Variants in ADAMTS10 observed in about 807,000 individuals in gnomAD.
ADAMTS10 encodes the protein A disintegrin and metalloproteinase with thrombospondin motifs 10.
ADAMTS10 carries 48 observed loss-of-function variants against 135.9 expected under a neutral mutation model. The observed-to-expected ratio is 0.35, with a 90% CI of 0.28 to 0.45. ADAMTS10 has a LOEUF of 0.45. Ranked by LOEUF, ADAMTS10 falls within the 20% of genes least tolerant of loss-of-function variation. The pLI, the probability that ADAMTS10 is intolerant of heterozygous loss-of-function variation, is 1.00. For missense variants in ADAMTS10, 1,131 were observed against 1,565.2 expected, an observed-to-expected ratio of 0.72 and a Z score of 4.68; for synonymous variants, 621 against 647.5, an observed-to-expected ratio of 0.96 and a Z score of 0.62.
Position 8,580,417 on chromosome 19 carries a change from G to T in ADAMTS10, c.*476C>A, listed in dbSNP as rs1468965126. ...CTCCCCCTAGTCAGGTCAGGGGAGGGTGTCAGGGAGGTGGTGCTACCCCCC... is the reference window on the plus strand; with the variant it reads ...CTCCCCCTAGTCAGGTCAGGGGAGGTTGTCAGGGAGGTGGTGCTACCCCCC... On this transcript the variant is annotated 3_prime_UTR_variant, in exon 26 of 26. Transcript: ENST00000597188. 2.5e-5 allele frequency: 4 copies of T among 163,004 alleles called. No individual in the cohort carries two copies. Among genetic ancestry groups the T allele is most frequent in the African/African-American group, 1.1e-4 (4 of 37,656 alleles). 10.1% of individuals were successfully genotyped at this position (163,004 alleles called of 1,614,324 possible). A position where few individuals can be genotyped will look rare whatever the true frequency, so the allele number is the denominator to read the frequency against.
intron 15 of ADAMTS10, 35 bp from the exon 16 acceptor site, chr19:8,590,026 G>T: frequency 6.8e-7 from 1 of 1,479,712 alleles, no homozygotes; most frequent in Non-Finnish European, 9.4e-7. Flanking sequence ...AGGGAGGCCA[G>T]GCTTGGGGGG....
In ADAMTS10 at chr19:8,605,106, C is replaced by T; in HGVS notation, c.341G>A (p.Trp114Ter). The T allele has an allele frequency of 6.2e-7, 1 of 1,613,152 alleles. No individual in the cohort carries two copies. Among genetic ancestry groups the T allele is most frequent in the Non-Finnish European group, 8.5e-7 (1 of 1,179,736 alleles). Residue 114 changes from tryptophan (W) to a stop codon, truncating the protein, a stop_gained, in exon 4 of 26, where the codon TGG becomes TAG. Coordinates refer to ENST00000597188, the MANE Select transcript of ADAMTS10 (RefSeq NM_030957.4). LOFTEE classifies it high-confidence loss of function. The surrounding 1 kb of genome is among the most constrained non-coding windows in gnomAD (Gnocchi z 7.7). ...GCAGTGGGGCCGGGCCGCCCTCTGC[C>T]AGGCCAGGCCCTCCCGTGTCCAGTA... ...VEYWTREGLA[W>*]QRAARPHCLY...
Position 8,605,376 on chromosome 19 carries a change from A to G in ADAMTS10, c.89-18T>C, listed in dbSNP as rs782296317. The G allele has an allele frequency of 3.2e-6, 5 of 1,578,332 alleles. No individual in the cohort carries two copies. In the African/African-American group the frequency reaches 5.4e-5, roughly 17 times the overall value. On this transcript the variant is annotated intron_variant, in intron 3 of 25. Coordinates refer to ENST00000597188, the MANE Select transcript of ADAMTS10 (RefSeq NM_030957.4). This position sits in a 1 kb window ranked among gnomAD's most constrained non-coding sequence, Gnocchi z 7.7. ...GAACTCATCTGTGGGTGAGGGTCAG[A>G]GGCCTGGGGTGGGCCCTGGTCTTAT...
At chr19:8,593,891 C>A (rs113015376) in intron 12 of ADAMTS10, among the ~76,000 whole-genome samples, 1 of 152,162 alleles carries the variant, frequency 6.6e-6, no homozygotes, top group East Asian at 1.9e-4. Context: ...GGGACTGGAT[C>A]GATCAATGGC....
Position 8,586,464 on chromosome 19 carries a change from C to A in ADAMTS10, c.2410G>T (p.Ala804Ser). 6.2e-7 allele frequency: 1 copy of A among 1,613,660 alleles called. No homozygotes were observed. The highest frequency in any genetic ancestry group is 8.5e-7 in the Non-Finnish European group (1 of 1,180,010). ...CGGAGGGCAGGCAGCTCGGTCCGGG[C>A]CAGCACCTGGAGAAAGGGGGCGGCA... ...INASLIVMVL[A>S]RTELPALRYR... is the part of the protein sequence containing the mutation. Residue 804 changes from alanine to serine, a missense_variant, in exon 21 of 26, where the codon GCC (alanine) becomes TCC (serine). Around this residue, in one of 3 missense-constraint regions of ADAMTS10, gnomAD observed 745 missense variants for 1,056.3 expected, o/e 0.71. Coordinates refer to ENST00000597188, the MANE Select transcript of ADAMTS10 (RefSeq NM_030957.4).
At chr19:8,582,192 G>A (rs139921165) in intron 25 of ADAMTS10, among the ~76,000 whole-genome samples, 6 of 152,224 alleles carry the variant, frequency 3.9e-5, no homozygotes, top group East Asian at 1.9e-4. Flanking sequence ...AAGATAGGCC[G>A]GGCATGGTGG....
At position 8,588,187 on chromosome 19, in the gene ADAMTS10, G is replaced by C. The variant is rs2042465253; in HGVS notation, c.2158+1055C>G. On this transcript the variant is annotated intron_variant, in intron 18 of 25. Coordinates refer to ENST00000597188, the MANE Select transcript of ADAMTS10 (RefSeq NM_030957.4). ...TTCTTGAACCTGGGAGGCAGAGGTT[G>C]CAGTGAGCCGAGATCAAGCCACTGC... Among the ~76,000 whole-genome samples the C allele has an allele frequency of 2.0e-5, 3 of 152,124 alleles. No individual in the cohort carries two copies. The South Asian group carries it at 6.2e-4, about 32-fold the overall frequency.
chr19:8,605,514 TC>T lies in ADAMTS10; in HGVS notation c.88+108del. On this transcript the variant is annotated intron_variant, in intron 3 of 25. Coordinates refer to ENST00000597188, the MANE Select transcript of ADAMTS10 (RefSeq NM_030957.4). This position sits in a 1 kb window ranked among gnomAD's most constrained non-coding sequence, Gnocchi z 7.7. ...CTCCCGCCTATTGACCCCAGGGCCT[TC>T]CCCCATTGACCCCCATCCCAGCCCC... is the stretch of plus-strand genomic sequence containing the variant. 1.4e-6 allele frequency: 2 copies of T among 1,461,932 alleles called. No homozygotes were observed. Among genetic ancestry groups the T allele is most frequent in the Non-Finnish European group, 1.9e-6 (2 of 1,073,924 alleles). The allele number at this position is 1,461,932 out of a possible 1,614,324, so 90.6% of individuals were successfully genotyped here. A position where few individuals can be genotyped will look rare whatever the true frequency, so the allele number is the denominator to read the frequency against.
intron 1 of ADAMTS10, among the ~76,000 whole-genome samples, chr19:8,609,382 C>T (rs1555743130): frequency 1.3e-5 from 2 of 151,920 alleles, no homozygotes; most frequent in Non-Finnish European, 2.9e-5. Flanking sequence ...GGCTTAGAAA[C>T]AGAGGCTCTG....
chr19:8,599,600 G>A (rs1334280274), intron 6 of ADAMTS10, among the ~76,000 whole-genome samples: 1 of 151,728 alleles, frequency 6.6e-6, no homozygotes, highest in Non-Finnish European at 1.5e-5. Context: ...CAAAGTGCTG[G>A]GATTACAGGT....
chr19:8,598,110 G>A (rs1389813586), intron 6 of ADAMTS10, among the ~76,000 whole-genome samples: 2 of 152,054 alleles, frequency 1.3e-5, no homozygotes, highest in Non-Finnish European at 2.9e-5. Context: ...CACCATGCCT[G>A]GCCATGCATC....
rs576948646 is a variant in ADAMTS10, at chr19:8,580,807, GC to G, written c.*85del. The G allele has an allele frequency of 2.9e-5, 32 of 1,091,482 alleles. No individual in the cohort carries two copies. The highest frequency in any genetic ancestry group is 4.1e-5 in the South Asian group (3 of 73,382). 67.6% of individuals were successfully genotyped at this position (1,091,482 alleles called of 1,614,324 possible). A position where few individuals can be genotyped will look rare whatever the true frequency, so the allele number is the denominator to read the frequency against. ...GTCTCACCCTTCCCTCCCAGTTCCC[GC>G]CCCCCCGGGGCCCCCTCTGGCCGGC... On this transcript the variant is annotated 3_prime_UTR_variant, in exon 26 of 26. Transcript: ENST00000597188.
Position 8,591,193 on chromosome 19 carries a change from T to C in ADAMTS10, c.1797+607A>G, listed in dbSNP as rs114019496. Among the ~76,000 whole-genome samples, 526 of 151,652 alleles carry C rather than the reference T, an allele frequency of 3.5e-3. 3 individuals carry two copies. The highest frequency in any genetic ancestry group is 0.012 in the African/African-American group (497 of 41,352). ...CAGGGGTAGGACTCTTCAGGGGAAG[T>C]TGGGCTGTAAAGGGAGGGGAGAGAC... On this transcript the variant is annotated intron_variant, in intron 15 of 25. Transcript: ENST00000597188.
At chr19:8,590,320 G>A (rs1555738611) in intron 15 of ADAMTS10, among the ~76,000 whole-genome samples, 2 of 152,118 alleles carry the variant, frequency 1.3e-5, no homozygotes, top group African/African-American at 4.8e-5. Context: ...TGTCGCCCAG[G>A]CTGGGGTACA....
chr19:8,608,597 C>T (rs2042747149), intron 1 of ADAMTS10, among the ~76,000 whole-genome samples: 1 of 152,092 alleles, frequency 6.6e-6, no homozygotes, highest in Non-Finnish European at 1.5e-5. Context: ...GACCTCACCC[C>T]TTTCTCCCAC....
At chr19:8,593,735 T>C (rs1370609885) in intron 12 of ADAMTS10, among the ~76,000 whole-genome samples, 2 of 151,814 alleles carry the variant, frequency 1.3e-5, no homozygotes, top group Non-Finnish European at 2.9e-5. Context: ...GTCTTTCCTC[T>C]AAAAAGTAGG....
intron 2 of ADAMTS10, among the ~76,000 whole-genome samples, chr19:8,606,427 A>T (rs543656512): frequency 5.3e-5 from 8 of 152,126 alleles, no homozygotes; most frequent in Non-Finnish European, 1.0e-4. Flanking sequence ...TTTGAGATGG[A>T]GTCTCACTAT....
At position 8,596,339 on chromosome 19, in the gene ADAMTS10, T is replaced by C. The variant is rs975312966; in HGVS notation, c.1158A>G (p.Thr386=). 5.6e-6 allele frequency: 9 copies of C among 1,612,948 alleles called. No homozygotes were observed. The highest frequency in any genetic ancestry group is 6.8e-6 in the Non-Finnish European group (8 of 1,179,904). Residue 386 remains threonine (T), a synonymous_variant, in exon 10 of 26, where the codon ACA becomes ACG. Transcript: ENST00000597188. This position sits in a 1 kb window ranked among gnomAD's most constrained non-coding sequence, Gnocchi z 7.2. The part of the protein sequence containing the change: ...CSVNEDIGLA[T]AFTIAHEIGH... ...CGATCTCGTGGGCAATGGTGAACGC[T>C]GTGGCCAGGCCAATGTCCTCATTGA...
At position 8,585,503 on chromosome 19, in the gene ADAMTS10, G is replaced by A. The variant is rs2042415370; in HGVS notation, c.2818C>T (p.His940Tyr). Residue 940 changes from histidine (H) to tyrosine (Y), a missense_variant, in exon 23 of 26, where the codon CAC becomes TAC. By Grantham distance (83) the His-to-Tyr change is moderately conservative. Around this residue, in one of 3 missense-constraint regions of ADAMTS10, gnomAD observed 745 missense variants for 1,056.3 expected, o/e 0.71. Coordinates refer to ENST00000597188, the MANE Select transcript of ADAMTS10 (RefSeq NM_030957.4). ...QPRPPVLEAC[H>Y]GPTCPPEWAA... is the part of the protein sequence containing the mutation. ...CACTCCGGAGGGCAAGTGGGGCCGT[G>A]GCAGGCCTCCAGTACAGGTGGGCGC... 1.3e-6 allele frequency: 2 copies of A among 1,544,322 alleles called. No individual in the cohort carries two copies. Among genetic ancestry groups the A allele is most frequent in the Non-Finnish European group, 8.7e-7 (1 of 1,142,882 alleles).
Sources: gnomAD v4.1 joint callset for allele counts (sites outside exome capture counted in the v4.1 genomes callset) on GRCh38, gnomAD v4.1.1 for gene constraint, gnomAD v4.1.1 regional missense constraint, Gnocchi (gnomAD v3.1) non-coding constraint, MANE v1.5 for transcripts, NCBI Gene and HGNC (gene_info 2026-07-23, HGNC 2026-07-21) for gene names.